The following WDSUB1 variants were observed in gnomAD, a reference collection of about 807,000 sequenced individuals.
WDSUB1 encodes the protein WD repeat, SAM and U-box domain-containing protein 1.
A neutral mutation model predicts 53.9 loss-of-function variants in WDSUB1; 49 were observed. The ratio of observed to expected loss-of-function variants is 0.91; its 90% CI spans 0.72 to 1.15. The LOEUF (loss-of-function observed/expected upper bound fraction) is 1.15, where lower values mean the gene tolerates loss of function less well. Ranked by LOEUF, WDSUB1 falls within the 50% of genes most tolerant of loss-of-function variation. The pLI is 0.00. For synonymous variants in WDSUB1, 194 were observed against 200.6 expected, an observed-to-expected ratio of 0.97 and a Z score of 0.28; for missense variants, 514 against 562.0, an observed-to-expected ratio of 0.91 and a Z score of 0.86.
chr2:159,270,952 T>C (rs936690123), intron 5 of WDSUB1, among the ~76,000 whole-genome samples: 7 of 152,140 alleles, frequency 4.6e-5, no homozygotes, highest in Admixed American at 4.6e-4. Context: ...AGAAAATACA[T>C]ATGGCTAATA....
At chr2:159,249,296 C>T (rs925445107) in intron 9 of WDSUB1, among the ~76,000 whole-genome samples, 5 of 152,188 alleles carry the variant, frequency 3.3e-5, no homozygotes, top group Non-Finnish European at 5.9e-5. Flanking sequence ...TCTGTTTGTC[C>T]AAACCATAAA....
Position 159,270,936 on chromosome 2 carries a change from T to C in WDSUB1, c.770+766A>G, listed in dbSNP as rs539016936. Among the ~76,000 whole-genome samples the C allele has an allele frequency of 8.6e-4, 131 of 152,284 alleles. 1 individual carries two copies. The highest frequency in any genetic ancestry group is 1.6e-3 in the Admixed American group (25 of 15,300). ...GCCGGAGGCATGAACAGGCACTTCA[T>C]ACAAGAGAAAATACATATGGCTAAT... On this transcript the variant is annotated intron_variant, in intron 5 of 10. Transcript: ENST00000359774.
intron 10 of WDSUB1, among the ~76,000 whole-genome samples, chr2:159,239,763 G>C (rs552864660): frequency 1.3e-5 from 2 of 152,264 alleles, no homozygotes; most frequent in Admixed American, 1.3e-4. Flanking sequence ...GATCTGGATT[G>C]TTTTGGTTGT....
rs891905576 is a variant in WDSUB1, at chr2:159,275,592, C to CTGACCACA, written c.622_629dup (p.Gln210HisfsTer19). The CTGACCACA allele has an allele frequency of 1.7e-5, 27 of 1,608,712 alleles. No homozygotes were observed. The highest frequency in any genetic ancestry group is 2.3e-5 in the Non-Finnish European group (27 of 1,178,580). ...CAATCCAAATTTTGACTTGGCAATC[C>CTGACCACA]TGACCACATGATGCCAGTCGAAAAA... On this transcript the variant is annotated frameshift_variant, in exon 4 of 11. Transcript: ENST00000359774. LOFTEE classifies it high-confidence loss of function.
chr2:159,244,712 G>T (rs945747257), intron 10 of WDSUB1, among the ~76,000 whole-genome samples: 1 of 152,154 alleles, frequency 6.6e-6, no homozygotes, highest in African/African-American at 2.4e-5. Flanking sequence ...ATGGCTTGAA[G>T]CCAGAAGTTC....
chr2:159,244,176 T>TCTAC (rs2060730339), intron 10 of WDSUB1, among the ~76,000 whole-genome samples: 1 of 152,058 alleles, frequency 6.6e-6, no homozygotes, highest in African/African-American at 2.4e-5. Flanking sequence ...GGTAACAATG[T>TCTAC]CTACACACCA....
chr2:159,266,440 G>A (rs61141155), intron 5 of WDSUB1, among the ~76,000 whole-genome samples: 1 of 152,016 alleles, frequency 6.6e-6, no homozygotes, highest in Non-Finnish European at 1.5e-5. Flanking sequence ...CGCCCGCCTC[G>A]GCCTCCCAAA....
intron 5 of WDSUB1, among the ~76,000 whole-genome samples, chr2:159,270,955 G>A (rs557970064): frequency 6.6e-6 from 1 of 152,152 alleles, no homozygotes; most frequent in African/African-American, 2.4e-5. Context: ...AAATACATAT[G>A]GCTAATAAAC....
intron 5 of WDSUB1, among the ~76,000 whole-genome samples, chr2:159,271,087 A>G (rs1426814042): frequency 6.6e-6 from 1 of 152,232 alleles, no homozygotes; most frequent in Non-Finnish European, 1.5e-5. Context: ...AGTACAGGCT[A>G]GGATACAAAA....
chr2:159,281,022 CATAA>C (rs980783341), intron 2 of WDSUB1, among the ~76,000 whole-genome samples: 26 of 152,112 alleles, frequency 1.7e-4, no homozygotes, highest in African/African-American at 5.8e-4. Flanking sequence ...AGATATTTGG[CATAA>C]GTGTTTATTA....
chr2:159,240,452 G>A (rs966404689), intron 10 of WDSUB1, among the ~76,000 whole-genome samples: 8 of 152,104 alleles, frequency 5.3e-5, no homozygotes, highest in African/African-American at 1.9e-4. Context: ...CACACATGAA[G>A]GTTCCATTTT....
chr2:159,255,772 G>A (rs2061049382), intron 9 of WDSUB1, among the ~76,000 whole-genome samples: 1 of 151,924 alleles, frequency 6.6e-6, no homozygotes. Context: ...GAGCTTTCTG[G>A]TTAACTAAAA....
chr2:159,252,609 A>G (rs964390267), intron 9 of WDSUB1, among the ~76,000 whole-genome samples: 2 of 152,188 alleles, frequency 1.3e-5, no homozygotes, highest in Admixed American at 1.3e-4. Flanking sequence ...TGAACAGCCT[A>G]TTTCACTTTA....
intron 2 of WDSUB1, among the ~76,000 whole-genome samples, chr2:159,280,674 G>C (rs373668997): frequency 2.4e-5 from 2 of 82,808 alleles, no homozygotes; most frequent in African/African-American, 7.1e-5. Flanking sequence ...CTGGGCGACA[G>C]AGCGAGACTC....
chr2:159,244,450 C>T (rs2060738490), intron 10 of WDSUB1, among the ~76,000 whole-genome samples: 1 of 150,438 alleles, frequency 6.6e-6, no homozygotes, highest in Non-Finnish European at 1.5e-5. Context: ...TTGTATTGGG[C>T]ATAAGTAAGC....
At chr2:159,270,304 A>G (rs1009655638) in intron 5 of WDSUB1, among the ~76,000 whole-genome samples, 1 of 152,200 alleles carries the variant, frequency 6.6e-6, no homozygotes, top group African/African-American at 2.4e-5. Flanking sequence ...AAAGATGTCA[A>G]TTCTCCCCAA....
chr2:159,269,715 A>C (rs2061411135), intron 5 of WDSUB1, among the ~76,000 whole-genome samples: 1 of 152,256 alleles, frequency 6.6e-6, no homozygotes, highest in African/African-American at 2.4e-5. Flanking sequence ...GGTTGGTTTA[A>C]CATTTAAAAA....
chr2:159,251,434 T>C (rs1033090205), intron 9 of WDSUB1, among the ~76,000 whole-genome samples: 1 of 152,194 alleles, frequency 6.6e-6, no homozygotes, highest in African/African-American at 2.4e-5. Flanking sequence ...GAAGGTTAAA[T>C]TGGGCATTAT....
intron 9 of WDSUB1, among the ~76,000 whole-genome samples, chr2:159,255,178 CTG>C (rs2061035450): frequency 6.6e-6 from 1 of 151,956 alleles, no homozygotes; most frequent in African/African-American, 2.4e-5. Context: ...AGAAAAGTGA[CTG>C]TACTTGGCCA....
Sources: allele counts gnomAD v4.1 joint callset (sites outside exome capture counted in the v4.1 genomes callset), GRCh38; gene constraint gnomAD v4.1.1; transcripts MANE v1.5; gene names NCBI Gene and HGNC (gene_info 2026-07-23, HGNC 2026-07-21).